Variants in RERE observed in about 807,000 individuals in gnomAD.
RERE encodes arginine-glutamic acid dipeptide repeats.
Under a neutral mutation model 146.1 loss-of-function variants are expected in RERE, and 40 were observed. That is an observed-to-expected ratio of 0.27 (90% CI 0.21 to 0.36). The LOEUF (loss-of-function observed/expected upper bound fraction) is 0.36. Among genes scored for constraint, RERE ranks in the 10% least tolerant of loss-of-function variants. The pLI is 1.00. For missense variants in RERE, 1,933 were observed against 2,138.7 expected (o/e 0.90, Z 1.90); for synonymous variants, 1,003 against 866.0 (o/e 1.16, Z -2.78).
chr1:8,562,682 G>C (rs984568999), intron 4 of RERE, among the ~76,000 whole-genome samples: 21 of 151,898 alleles, frequency 1.4e-4, no homozygotes, highest in Non-Finnish European at 2.6e-4. Context: ...ATCTTGCTAT[G>C]TTTTAAGCCA....
At chr1:8,756,461 G>A (rs1640640553) in intron 1 of RERE, among the ~76,000 whole-genome samples, 1 of 152,124 alleles carries the variant, frequency 6.6e-6, no homozygotes, top group Non-Finnish European at 1.5e-5. Flanking sequence ...CCTCGACTCT[G>A]CATCTGAAGG....
intron 7 of RERE, among the ~76,000 whole-genome samples, chr1:8,530,908 G>A (rs997066168): frequency 6.7e-5 from 10 of 149,996 alleles, no homozygotes; most frequent in Non-Finnish European, 1.5e-4. Context: ...AGCCAGGATG[G>A]TCCCGATCTC....
intron 1 of RERE, among the ~76,000 whole-genome samples, chr1:8,777,698 C>T (rs1641090751): frequency 7.0e-6 from 1 of 143,732 alleles, no homozygotes; most frequent in Admixed American, 7.2e-5. Context: ...CCACACCCGG[C>T]TACTTTTTGT....
At chr1:8,479,211 CCT>C (rs994519390) in intron 10 of RERE, among the ~76,000 whole-genome samples, 1 of 151,806 alleles carries the variant, frequency 6.6e-6, no homozygotes, top group Non-Finnish European at 1.5e-5. Flanking sequence ...ACAGTGAGCC[CCT>C]GTCTCTACAA....
chr1:8,637,831 G>A (rs1330943242), intron 2 of RERE, among the ~76,000 whole-genome samples: 3 of 152,200 alleles, frequency 2.0e-5, no homozygotes, highest in Admixed American at 1.3e-4. Flanking sequence ...AAAGCCCTAC[G>A]ATACACTAGG....
At chr1:8,625,385 G>C (rs1646962726) in intron 2 of RERE, among the ~76,000 whole-genome samples, 1 of 152,160 alleles carries the variant, frequency 6.6e-6, no homozygotes, top group Admixed American at 6.5e-5. Context: ...TCATCATAAA[G>C]CTTAGGTCAG....
intron 1 of RERE, among the ~76,000 whole-genome samples, chr1:8,712,335 G>A (rs1473757627): frequency 6.6e-6 from 1 of 152,182 alleles, no homozygotes; most frequent in East Asian, 1.9e-4. Flanking sequence ...AACTGAGTGA[G>A]TACAAAGGAA....
At chr1:8,637,262 G>A (rs1647113052) in intron 2 of RERE, among the ~76,000 whole-genome samples, 1 of 152,088 alleles carries the variant, frequency 6.6e-6, no homozygotes, top group Admixed American at 6.6e-5. Context: ...TTCCTAGCAC[G>A]ACTCTACTAT....
intron 2 of RERE, among the ~76,000 whole-genome samples, chr1:8,624,698 G>A (rs750731690): frequency 1.1e-4 from 16 of 152,118 alleles, no homozygotes; most frequent in Non-Finnish European, 2.2e-4. Flanking sequence ...AAAAGAAACC[G>A]CTTGCTCAAG....
intron 1 of RERE, chr1:8,799,313 AAAGTTTAT>A: frequency 6.6e-6 from 1 of 152,528 alleles, no homozygotes; most frequent in Admixed American, 6.5e-5. Flanking sequence ...GTCTTTTGTG[AAAGTTTAT>A]AACTACTATC....
At chr1:8,522,747 C>T (rs1416299284) in intron 7 of RERE, among the ~76,000 whole-genome samples, 1 of 152,142 alleles carries the variant, frequency 6.6e-6, no homozygotes, top group Admixed American at 6.5e-5. Context: ...GTGGCAGATG[C>T]TTGCAATCCT....
At chr1:8,638,783 ATT>A (rs34276909) in intron 2 of RERE, among the ~76,000 whole-genome samples, 2,991 of 100,070 alleles carry the variant, frequency 0.03, 45 homozygotes, top group African/African-American at 0.095. Flanking sequence ...ACGAAAAAAA[ATT>A]TTTTTTTTTT....
rs374993545 is a variant in RERE, at chr1:8,361,327, G to A, written c.2180C>T (p.Ser727Leu). ...SPQDNESDSD[S>L]SAQQQMLQAQ... ...CTGCAGCATCTGCTGCTGGGCTGAC[G>A]AGTCCGAGTCACTCTCATTGTCCTG... is the stretch of plus-strand genomic sequence containing the variant. The change falls in exon 18 of 23, where the codon TCG becomes TTG. Residue 727 changes from serine to leucine, a missense_variant. By Grantham distance (145) the Ser-to-Leu change is moderately radical (BLOSUM62 -2). Transcript: ENST00000400908. 10 of 1,612,682 alleles carry A rather than the reference G, an allele frequency of 6.2e-6. No homozygotes were observed. Among genetic ancestry groups the A allele is most frequent in the South Asian group, 1.1e-5 (1 of 91,022 alleles).
rs1423150862 is a variant in RERE at position 8,356,889 on chromosome 1, C to T, written c.4340-643G>A. ...TTCAGGGTTGCCACCTCCAGCCATG[C>T]TGCCCTGGGGTCCCTGGAAGATTGG... On this transcript the variant is annotated intron_variant, in intron 20 of 22. Coordinates refer to ENST00000400908, the MANE Select transcript of RERE (RefSeq NM_001042681.2). The surrounding 1 kb of genome is among the most constrained non-coding windows in gnomAD (Gnocchi z 5.2). Among the ~76,000 whole-genome samples the T allele has an allele frequency of 5.3e-5, 8 of 152,328 alleles. No individual in the cohort carries two copies. The East Asian group carries it at 1.3e-3, about 26-fold the overall frequency.
At chr1:8,695,129 C>A (rs1357198180) in intron 1 of RERE, among the ~76,000 whole-genome samples, 2 of 152,064 alleles carry the variant, frequency 1.3e-5, no homozygotes. Context: ...AAACCTACAG[C>A]CATCTGATCT....
chr1:8,509,071 C>T (rs1417293800), intron 7 of RERE, among the ~76,000 whole-genome samples: 2 of 152,110 alleles, frequency 1.3e-5, no homozygotes, highest in Non-Finnish European at 2.9e-5. Flanking sequence ...CCTACCACCA[C>T]GCCCGGCTAA....
chr1:8,582,905 C>G (rs1646385600), intron 4 of RERE, among the ~76,000 whole-genome samples: 1 of 152,136 alleles, frequency 6.6e-6, no homozygotes, highest in Admixed American at 6.6e-5. Context: ...AGATCTGAGC[C>G]TGGCCTAGGA....
At chr1:8,785,842 G>A (rs573321627) in intron 1 of RERE, among the ~76,000 whole-genome samples, 4 of 152,166 alleles carry the variant, frequency 2.6e-5, no homozygotes, top group South Asian at 2.1e-4. Flanking sequence ...AGCTGGTCTC[G>A]AATTCCTGAC....
chr1:8,556,950 TAC>T (rs1247327965), intron 5 of RERE, among the ~76,000 whole-genome samples: 1 of 152,064 alleles, frequency 6.6e-6, no homozygotes, highest in Admixed American at 6.5e-5. Context: ...GGAGTGAACT[TAC>T]ACAGTTTCCA....
Sources: gnomAD v4.1 joint callset for allele counts (sites outside exome capture counted in the v4.1 genomes callset) on GRCh38, gnomAD v4.1.1 for gene constraint, Gnocchi (gnomAD v3.1) non-coding constraint, MANE v1.5 for transcripts, NCBI Gene and HGNC (gene_info 2026-07-23, HGNC 2026-07-21) for gene names.